The following PRDM5 variants were observed in gnomAD, a reference collection of about 807,000 sequenced individuals.
PRDM5 encodes the protein PR domain zinc finger protein 5.
Under a neutral mutation model 81.2 loss-of-function variants are expected in PRDM5, and 56 were observed. The observed-to-expected ratio is 0.69, with a 90% CI of 0.56 to 0.86. PRDM5 has a LOEUF of 0.86. Among genes scored for constraint, PRDM5 ranks in the 40% least tolerant of loss-of-function variants. The pLI, the probability that PRDM5 is intolerant of heterozygous loss-of-function variation, is 0.00. For missense variants in PRDM5, 697 were observed against 770.1 expected, an observed-to-expected ratio of 0.91 and a Z score of 1.12; for synonymous variants, 267 against 256.4, an observed-to-expected ratio of 1.04 and a Z score of -0.39.
intron 14 of PRDM5, among the ~76,000 whole-genome samples, chr4:120,739,595 A>AG (rs1209831417): frequency 6.6e-6 from 1 of 151,938 alleles, no homozygotes; most frequent in Non-Finnish European, 1.5e-5. Flanking sequence ...ATTTTGTTCC[A>AG]CAAAGACTTT....
chr4:120,898,992 C>T lies in PRDM5; in HGVS notation c.177+8482G>A, dbSNP rs529507100. Reference sequence around the variant, plus strand: ...ACATCATTTTTTTCTGTATGAGAAACGAGAAGAACATAATTCTGTATGTTC... The same window carrying T: ...ACATCATTTTTTTCTGTATGAGAAATGAGAAGAACATAATTCTGTATGTTC... On this transcript the variant is annotated intron_variant, in intron 2 of 15. Transcript: ENST00000264808. Among the ~76,000 whole-genome samples, 21 of 152,162 alleles carry T rather than the reference C, an allele frequency of 1.4e-4. No individual in the cohort carries two copies. In the South Asian group the frequency reaches 2.1e-3, roughly 15 times the overall value.
At chr4:120,918,442 C>A (rs778965760) in intron 1 of PRDM5, among the ~76,000 whole-genome samples, 2 of 152,174 alleles carry the variant, frequency 1.3e-5, no homozygotes, top group African/African-American at 2.4e-5. Flanking sequence ...ATCAACACAA[C>A]ACCTTATCCC....
intron 2 of PRDM5, among the ~76,000 whole-genome samples, chr4:120,860,447 T>C (rs1209230776): frequency 1.3e-5 from 2 of 152,080 alleles, no homozygotes; most frequent in African/African-American, 2.4e-5. Flanking sequence ...GAAAACCACA[T>C]CATCTTTTCC....
At chr4:120,715,556 T>C (rs1357952979) in intron 14 of PRDM5, among the ~76,000 whole-genome samples, 1 of 152,180 alleles carries the variant, frequency 6.6e-6, no homozygotes, top group East Asian at 1.9e-4. Context: ...AACTTGAAAA[T>C]GAAAAGGTAG....
intron 2 of PRDM5, among the ~76,000 whole-genome samples, 195 bp downstream of exon 2, chr4:120,907,279 A>G (rs955807540): frequency 1.3e-5 from 2 of 151,384 alleles, no homozygotes; most frequent in Non-Finnish European, 2.9e-5. Flanking sequence ...CGTTGCAGTG[A>G]GCCAAGATCG....
chr4:120,898,246 A>G (rs989959456), intron 2 of PRDM5, among the ~76,000 whole-genome samples: 5 of 152,172 alleles, frequency 3.3e-5, no homozygotes, highest in Non-Finnish European at 5.9e-5. Context: ...ATGCACTGAA[A>G]GCCTCTCCTC....
At chr4:120,920,154 G>A (rs1277631704) in intron 1 of PRDM5, among the ~76,000 whole-genome samples, 1 of 152,190 alleles carries the variant, frequency 6.6e-6, no homozygotes, top group African/African-American at 2.4e-5. Flanking sequence ...CCTGGTGAAT[G>A]TAATGAGGGT....
At chr4:120,702,015 G>T (rs554425181) in intron 15 of PRDM5, among the ~76,000 whole-genome samples, 3 of 152,094 alleles carry the variant, frequency 2.0e-5, no homozygotes, top group Non-Finnish European at 2.9e-5. Context: ...TTGGAATTGT[G>T]GGGGGTATCT....
At chr4:120,770,276 A>G (rs1274026540) in intron 13 of PRDM5, among the ~76,000 whole-genome samples, 1 of 151,998 alleles carries the variant, frequency 6.6e-6, no homozygotes, top group Non-Finnish European at 1.5e-5. Context: ...TGATCTGCCC[A>G]CCTCAACCTC....
intron 2 of PRDM5, among the ~76,000 whole-genome samples, chr4:120,862,430 A>C (rs1459979399): frequency 6.6e-6 from 1 of 152,226 alleles, no homozygotes. Context: ...GAATTGGTAC[A>C]GAAGGGTGTA....
chr4:120,724,658 T>C (rs1462276493), intron 14 of PRDM5, among the ~76,000 whole-genome samples: 1 of 152,122 alleles, frequency 6.6e-6, no homozygotes, highest in Non-Finnish European at 1.5e-5. Context: ...TATTCAGAGG[T>C]GTGCAGGAGA....
intron 2 of PRDM5, among the ~76,000 whole-genome samples, chr4:120,878,206 CTTG>C (rs1762510109): frequency 6.6e-6 from 1 of 152,118 alleles, no homozygotes; most frequent in African/African-American, 2.4e-5. Context: ...AAGAAACAAA[CTTG>C]TTGAACTTAC....
chr4:120,721,278 A>C (rs1738562242), intron 14 of PRDM5, among the ~76,000 whole-genome samples: 1 of 152,146 alleles, frequency 6.6e-6, no homozygotes, highest in Non-Finnish European at 1.5e-5. Flanking sequence ...GTGGACTTCA[A>C]CCCTGCCTGC....
At chr4:120,684,317 A>C (rs1733760119), downstream of PRDM5, among the ~76,000 whole-genome samples, 1 of 151,880 alleles carries the variant, frequency 6.6e-6, no homozygotes, top group African/African-American at 2.4e-5. Flanking sequence ...TTAATTGATG[A>C]AACACACCCC....
At chr4:120,898,901 G>A (rs544369750) in intron 2 of PRDM5, among the ~76,000 whole-genome samples, 49 of 152,200 alleles carry the variant, frequency 3.2e-4, no homozygotes, top group African/African-American at 1.1e-3. Flanking sequence ...GTCTGATAGC[G>A]CTCCTCTTTC....
chr4:120,739,488 A>C (rs1741594238), intron 14 of PRDM5, among the ~76,000 whole-genome samples: 1 of 152,206 alleles, frequency 6.6e-6, no homozygotes, highest in African/African-American at 2.4e-5. Flanking sequence ...ATACCATTTA[A>C]AAAACTGTAG....
chr4:120,778,429 C>T lies in PRDM5; in HGVS notation c.1444-1148G>A, dbSNP rs1028967289. ...AGGGGTGGGGCAATTACCTCATCAC[C>T]TGACAACATCAAAGAACCATCACCA... On this transcript the variant is annotated intron_variant, in intron 12 of 15. Coordinates refer to ENST00000264808, the MANE Select transcript of PRDM5 (RefSeq NM_018699.4). 5.3e-5 allele frequency among the ~76,000 whole-genome samples: 8 copies of T among 152,190 alleles called. No individual in the cohort carries two copies. The East Asian group carries it at 1.4e-3, about 26-fold the overall frequency.
chr4:120,887,709 G>A (rs769424018), intron 2 of PRDM5, among the ~76,000 whole-genome samples: 4 of 151,518 alleles, frequency 2.6e-5, no homozygotes, highest in Non-Finnish European at 4.4e-5. Flanking sequence ...TCAGATGGCC[G>A]CTACACTTAT....
At chr4:120,746,849 C>G (rs189623863) in intron 14 of PRDM5, among the ~76,000 whole-genome samples, 20,345 of 140,868 alleles carry the variant, frequency 0.14, 1,915 homozygotes, top group East Asian at 0.44. Context: ...CTGTAAACTA[C>G]TTCAACCATT....
Sources: gnomAD v4.1 joint callset for allele counts (sites outside exome capture counted in the v4.1 genomes callset) on GRCh38, gnomAD v4.1.1 for gene constraint, MANE v1.5 for transcripts, NCBI Gene and HGNC (gene_info 2026-07-23, HGNC 2026-07-21) for gene names.